Variants in GABRG2 observed in about 807,000 individuals in gnomAD.
The protein encoded by GABRG2 is gamma-aminobutyric acid type A receptor subunit gamma2.
Under a neutral mutation model 56.4 loss-of-function variants are expected in GABRG2, and 16 were observed. The ratio of observed to expected loss-of-function variants is 0.28; its 90% CI spans 0.19 to 0.43. The LOEUF (loss-of-function observed/expected upper bound fraction) is 0.43, where lower values mean the gene tolerates loss of function less well. Among genes scored for constraint, GABRG2 ranks in the 20% least tolerant of loss-of-function variants. The pLI is 1.00. For synonymous variants in GABRG2, 208 were observed against 205.5 expected (o/e 1.01, Z -0.10); for missense variants, 327 against 582.7 (o/e 0.56, Z 4.52).
At chr5:162,132,531 A>G (rs1763833818) in intron 6 of GABRG2, among the ~76,000 whole-genome samples, 1 of 151,998 alleles carries the variant, frequency 6.6e-6, no homozygotes, top group African/African-American at 2.4e-5. Context: ...CAAATCAATT[A>G]TAATCTCTTA....
At chr5:162,151,283 T>C (rs1765355199) in intron 8 of GABRG2, 1 of 155,564 alleles carries the variant, frequency 6.4e-6, no homozygotes, top group African/African-American at 2.4e-5. Context: ...AGATGATTCA[T>C]CAGAACTAGC....
intron 1 of GABRG2, among the ~76,000 whole-genome samples, chr5:162,071,139 A>G (rs1015456422): frequency 1.3e-5 from 2 of 151,562 alleles, no homozygotes; most frequent in Non-Finnish European, 3.0e-5. Flanking sequence ...ACATATATAC[A>G]TATATAAATG....
intron 6 of GABRG2, among the ~76,000 whole-genome samples, chr5:162,115,846 AATG>A (rs1762579036): frequency 6.6e-6 from 1 of 152,202 alleles, no homozygotes; most frequent in East Asian, 1.9e-4. Flanking sequence ...CTAAAATAAT[AATG>A]ATAATGATAA....
intron 1 of GABRG2, among the ~76,000 whole-genome samples, chr5:162,088,760 T>A (rs1760330788): frequency 6.6e-6 from 1 of 152,158 alleles, no homozygotes; most frequent in South Asian, 2.1e-4. Flanking sequence ...CTAAAGTGAC[T>A]ATTATGATTG....
chr5:162,142,458 T>C, intron 7 of GABRG2, 142 bp downstream of exon 7: 1 of 901,214 alleles, frequency 1.1e-6, no homozygotes, highest in Non-Finnish European at 1.7e-6. Flanking sequence ...TCAAGAGAAC[T>C]GGCATTTTTA....
intron 9 of GABRG2, chr5:162,152,499 A>G (rs377429567): frequency 7.9e-5 from 36 of 453,222 alleles, no homozygotes; most frequent in Non-Finnish European, 1.2e-4. Flanking sequence ...CATTGTTGAC[A>G]TTCTTAAGCT....
At chr5:162,131,377 T>C (rs1423169865) in intron 6 of GABRG2, among the ~76,000 whole-genome samples, 1 of 152,036 alleles carries the variant, frequency 6.6e-6, no homozygotes, top group Non-Finnish European at 1.5e-5. Flanking sequence ...AAATCAAATG[T>C]TCCTGATTGA....
chr5:162,077,451 G>A (rs1759222526), intron 1 of GABRG2, among the ~76,000 whole-genome samples: 1 of 152,114 alleles, frequency 6.6e-6, no homozygotes, highest in East Asian at 1.9e-4. Context: ...TGTCATGAAT[G>A]TTATTGTACA....
At chr5:162,070,548 AT>A (rs1240475197) in intron 1 of GABRG2, among the ~76,000 whole-genome samples, 52 of 151,678 alleles carry the variant, frequency 3.4e-4, no homozygotes, top group Admixed American at 3.3e-3. Context: ...TAAAAAAAAA[AT>A]TGGTTTTTTA....
intron 6 of GABRG2, among the ~76,000 whole-genome samples, chr5:162,120,799 A>C (rs1056434166): frequency 6.6e-6 from 1 of 152,186 alleles, no homozygotes; most frequent in Non-Finnish European, 1.5e-5. Context: ...TTACAGGACC[A>C]TTTAAACTGA....
intron 6 of GABRG2, among the ~76,000 whole-genome samples, chr5:162,129,626 C>T (rs370533673): frequency 6.6e-5 from 10 of 151,482 alleles, no homozygotes; most frequent in African/African-American, 9.7e-5. Flanking sequence ...TTTTCATCTG[C>T]GAAAAAAACA....
chr5:162,118,329 A>C (rs1458146454), intron 6 of GABRG2, among the ~76,000 whole-genome samples: 2 of 151,988 alleles, frequency 1.3e-5, no homozygotes, highest in African/African-American at 4.8e-5. Flanking sequence ...GTTTGCAGTT[A>C]ATGGCAAGAG....
chr5:162,111,736 A>T (rs1355996658), intron 6 of GABRG2, among the ~76,000 whole-genome samples: 2 of 152,180 alleles, frequency 1.3e-5, no homozygotes, highest in Non-Finnish European at 2.9e-5. Context: ...TTGTTCAAGG[A>T]TATTCAATGG....
At chr5:162,121,727 G>C (rs111772189) in intron 6 of GABRG2, among the ~76,000 whole-genome samples, 16 of 152,112 alleles carry the variant, frequency 1.1e-4, no homozygotes, top group African/African-American at 3.9e-4. Context: ...GCTTTTTAAA[G>C]ACATGCTGGA....
chr5:162,149,460 C>G lies in GABRG2; in HGVS notation c.1128+147C>G, dbSNP rs1218798235. ...TGAGTTTAGCCAGGCCATAACGATT[C>G]ATTTACAGTCATTAGTTACTTGAGA... On this transcript the variant is annotated intron_variant, in intron 8 of 9. Coordinates refer to ENST00000639213, the MANE Select transcript of GABRG2 (RefSeq NM_198904.4). 5 of 751,096 alleles carry G rather than the reference C, an allele frequency of 6.7e-6. 1 individual carries two copies. The African/African-American group carries it at 8.6e-5, about 13-fold the overall frequency. The allele number at this position is 751,096 out of a possible 1,614,324, so 46.5% of individuals were successfully genotyped here.
At chr5:162,093,762 G>C in intron 1 of GABRG2, 66 bp from the exon 2 acceptor site, 1 of 1,364,774 alleles carries the variant, frequency 7.3e-7, no homozygotes, top group South Asian at 1.2e-5. Context: ...TTCCACTGGT[G>C]GTCTGTGGAT....
intron 4 of GABRG2, 161 bp downstream of exon 4, chr5:162,098,019 T>A: frequency 1.6e-6 from 1 of 636,598 alleles, no homozygotes; most frequent in Non-Finnish European, 2.7e-6. Context: ...AAAACATTAG[T>A]TTTTTCTTTT....
Position 162,067,904 on chromosome 5 carries a change from G to A in GABRG2, c.-96G>A. 1 of 849,316 alleles carries A rather than the reference G, an allele frequency of 1.2e-6. No individual in the cohort carries two copies. Among genetic ancestry groups the A allele is most frequent in the Non-Finnish European group, 2.0e-6 (1 of 505,338 alleles). The allele number at this position is 849,316 out of a possible 1,614,324, so 52.6% of individuals were successfully genotyped here. A position where few individuals can be genotyped will look rare whatever the true frequency, so the allele number is the denominator to read the frequency against. ...GACCTACTAGAGGCAGGTGGGGGGA[G>A]CCACCATCAGATCATAAGCATAAGA... On this transcript the variant is annotated 5_prime_UTR_variant, in exon 1 of 10. Transcript: ENST00000639213.
intron 6 of GABRG2, among the ~76,000 whole-genome samples, chr5:162,125,447 A>G (rs1215970765): frequency 7.0e-6 from 1 of 143,512 alleles, no homozygotes; most frequent in Non-Finnish European, 1.5e-5. Context: ...TTTGGATTAT[A>G]TAATCATTGA....
Sources: allele counts gnomAD v4.1 joint callset (sites outside exome capture counted in the v4.1 genomes callset), GRCh38; gene constraint gnomAD v4.1.1; transcripts MANE v1.5; gene names NCBI Gene and HGNC (gene_info 2026-07-23, HGNC 2026-07-21).